The following EPAS1 variants were observed in gnomAD, a reference collection of about 807,000 sequenced individuals.
EPAS1 encodes the protein endothelial PAS domain protein 1.
A neutral mutation model predicts 87.9 loss-of-function variants in EPAS1; 23 were observed. That is an observed-to-expected ratio of 0.26 (90% CI 0.19 to 0.37). EPAS1 has a LOEUF of 0.37. EPAS1 is among the 10% of genes least tolerant of loss of function. EPAS1 has a pLI of 1.00. For synonymous variants in EPAS1, 508 were observed against 444.3 expected, an observed-to-expected ratio of 1.14 and a Z score of -1.80; for missense variants, 1,138 against 1,120.7, an observed-to-expected ratio of 1.02 and a Z score of -0.22.
intron 1 of EPAS1, among the ~76,000 whole-genome samples, chr2:46,308,621 A>C (rs1226721064): frequency 3.3e-5 from 5 of 152,226 alleles, no homozygotes; most frequent in Admixed American, 3.3e-4. Context: ...AAAAGAAAGA[A>C]AAAGGAAAAG....
In EPAS1 at chr2:46,384,543, G is replaced by C. The variant is rs183095352; in HGVS notation, c.2496G>C (p.Glu832Asp). 3 of 1,614,178 alleles carry C rather than the reference G, an allele frequency of 1.9e-6. No individual in the cohort carries two copies. The Admixed American group carries it at 5.0e-5, about 27-fold the overall frequency. ...GCCGGCTGCTCGGGCCCTCATTTGA[G>C]TCCTACCTGCTGCCCGAACTGACCA... ...MASRLLGPSFESYLLPELTRY... is the reference protein window; with the variant it reads ...MASRLLGPSFDSYLLPELTRY... The change falls in exon 16 of 16, where the codon GAG becomes GAC. Residue 832 changes from glutamate (E) to aspartate (D), a missense_variant. Physicochemically the swap from Glu to Asp is conservative, Grantham distance 45. Transcript: ENST00000263734.
intron 2 of EPAS1, among the ~76,000 whole-genome samples, chr2:46,348,863 T>C (rs1395789637): frequency 6.6e-6 from 1 of 152,238 alleles, no homozygotes; most frequent in African/African-American, 2.4e-5. Context: ...GCATTTCAGA[T>C]TTCAGGTTTT....
chr2:46,376,718 C>T lies in EPAS1; in HGVS notation c.1214C>T (p.Pro405Leu). The change falls in exon 9 of 16, where the codon CCC becomes CTC. Residue 405 changes from proline to leucine, a missense_variant. By Grantham distance (98) the Pro-to-Leu change is moderately conservative (BLOSUM62 -3). Transcript: ENST00000263734. ...EEPEELAQLA[P>L]TPGDAIISLD... Reference sequence around the variant, plus strand: ...CCCGAGGAGCTGGCCCAGCTGGCTCCCACCCCAGGAGACGCCATCATCTCT... The same window carrying T: ...CCCGAGGAGCTGGCCCAGCTGGCTCTCACCCCAGGAGACGCCATCATCTCT... The T allele has an allele frequency of 6.2e-7, 1 of 1,612,974 alleles. No individual in the cohort carries two copies. The highest frequency in any genetic ancestry group is 8.5e-7 in the Non-Finnish European group (1 of 1,179,956).
At position 46,382,586 on chromosome 2, in the gene EPAS1, C is replaced by T. The variant is rs761271216; in HGVS notation, c.2449C>T (p.His817Tyr). 3 of 1,613,988 alleles carry T rather than the reference C, an allele frequency of 1.9e-6. No homozygotes were observed. The highest frequency in any genetic ancestry group is 1.3e-5 in the African/African-American group (1 of 74,948). Residue 817 changes from histidine (H) to tyrosine (Y), a missense_variant, in exon 15 of 16, where the codon CAC becomes TAC. By Grantham distance (83) the His-to-Tyr change is moderately conservative (BLOSUM62 2). Transcript: ENST00000263734. ...QYQDYSLSSA[H>Y]KVSGMASRLL... ...CCAGGACTACAGCCTGTCGTCAGCC[C>T]ACAAGGTGTCAGGTGGGTGTGCCCA... is the stretch of plus-strand genomic sequence containing the variant.
At chr2:46,377,864 T>A (rs778225432) in intron 9 of EPAS1, 30 bp from the exon 10 acceptor site, 246 of 1,551,536 alleles carry the variant, frequency 1.6e-4, no homozygotes, top group Non-Finnish European at 2.1e-4. Context: ...TGGTTGTGGG[T>A]GTTCACCTCC....
At chr2:46,338,174 C>T (rs1182361551) in intron 1 of EPAS1, among the ~76,000 whole-genome samples, 1 of 152,164 alleles carries the variant, frequency 6.6e-6, no homozygotes, top group Non-Finnish European at 1.5e-5. Context: ...GTGCTGGCTC[C>T]ATCACTGGGT....
chr2:46,366,589 C>T (rs556417266), intron 6 of EPAS1, among the ~76,000 whole-genome samples: 53 of 152,308 alleles, frequency 3.5e-4, no homozygotes, highest in African/African-American at 1.3e-3. Context: ...TGTTTGAAAT[C>T]TGGTGAATTA....
At chr2:46,338,881 T>G (rs1173622831) in intron 1 of EPAS1, among the ~76,000 whole-genome samples, 1 of 128,918 alleles carries the variant, frequency 7.8e-6, no homozygotes, top group Non-Finnish European at 1.5e-5. Context: ...GCTGTGGTCC[T>G]GAGGATGCCA....
chr2:46,364,305 G>A (rs115456243), intron 6 of EPAS1, among the ~76,000 whole-genome samples: 2,775 of 152,246 alleles, frequency 0.018, 93 homozygotes, highest in African/African-American at 0.063. Context: ...AAAATGTATG[G>A]CAGTTAGAAT....
intron 1 of EPAS1, among the ~76,000 whole-genome samples, chr2:46,331,060 A>G (rs1179989525): frequency 6.6e-6 from 1 of 152,126 alleles, no homozygotes; most frequent in African/African-American, 2.4e-5. Flanking sequence ...CTCTGCATAC[A>G]TGTATATATT....
intron 2 of EPAS1, among the ~76,000 whole-genome samples, chr2:46,351,261 G>A (rs1032675602): frequency 2.6e-5 from 4 of 152,158 alleles, no homozygotes; most frequent in Non-Finnish European, 5.9e-5. Flanking sequence ...AAAAAGTCTC[G>A]TCAGTCAACA....
At chr2:46,309,241 A>C (rs1005852451) in intron 1 of EPAS1, among the ~76,000 whole-genome samples, 1 of 152,208 alleles carries the variant, frequency 6.6e-6, no homozygotes, top group African/African-American at 2.4e-5. Context: ...GGGAATCATC[A>C]CTGTGTGTAG....
chr2:46,320,855 G>C (rs571881317), intron 1 of EPAS1, among the ~76,000 whole-genome samples: 1 of 152,290 alleles, frequency 6.6e-6, no homozygotes, highest in East Asian at 1.9e-4. Flanking sequence ...GGTTAAGGTG[G>C]TTAAATCGTT....
chr2:46,385,646 C>G lies in EPAS1; in HGVS notation c.*986C>G, dbSNP rs548450711. The G allele has an allele frequency of 6.7e-6, 1 of 149,392 alleles. No homozygotes were observed. The highest frequency in any genetic ancestry group is 1.5e-5 in the Non-Finnish European group (1 of 67,708). The allele number at this position is 149,392 out of a possible 1,614,324, so 9.3% of individuals were successfully genotyped here. A position where few individuals can be genotyped will look rare whatever the true frequency, so the allele number is the denominator to read the frequency against. ...CAATCCGAGCAGTGGAGTCATTCAG[C>G]GGGAGCACTGCGCGCTATCCCCTCA... On this transcript the variant is annotated 3_prime_UTR_variant, in exon 16 of 16. Transcript: ENST00000263734.
In EPAS1 at chr2:46,297,825, G is replaced by T. The variant is rs1395325010; in HGVS notation, c.-87G>T. 6.4e-7 allele frequency: 1 copy of T among 1,551,334 alleles called. No individual in the cohort carries two copies. The highest frequency in any genetic ancestry group is 2.4e-5 in the East Asian group (1 of 41,326). The stretch of plus-strand genomic sequence containing the variant: ...CGGACCTTCACCACCCGCCCGGGCC[G>T]CGGGGAGCGGACGAGGGCCACAGCC... On this transcript the variant is annotated 5_prime_UTR_variant, in exon 1 of 16. Transcript: ENST00000263734.
In EPAS1 at chr2:46,338,493, C is replaced by G. The variant is rs572167390; in HGVS notation, c.27-8380C>G. ...CCTCCTGCACCCGCTGGCTTTCTCC[C>G]TGCTTTTTCATGAGTGAAGACAGCA... On this transcript the variant is annotated intron_variant, in intron 1 of 15. Coordinates refer to ENST00000263734, the MANE Select transcript of EPAS1 (RefSeq NM_001430.5). 2.0e-5 allele frequency among the ~76,000 whole-genome samples: 3 copies of G among 152,302 alleles called. No homozygotes were observed. The South Asian group carries it at 6.2e-4, about 32-fold the overall frequency.
chr2:46,380,526 A>G lies in EPAS1; in HGVS notation c.1854A>G (p.Pro618=). Residue 618 remains proline (P), a synonymous_variant, in exon 12 of 16, where the codon CCA becomes CCG. Transcript: ENST00000263734. This position sits in a 1 kb window ranked among gnomAD's most constrained non-coding sequence, Gnocchi z 4.4. The part of the protein sequence containing the change: ...FFDAGSKASL[P]PCCGQASTPL... ...ATGCCGGAAGCAAAGCATCCCTGCC[A>G]CCGTGCTGTGGCCAGGCCAGCACCC... 6.2e-7 allele frequency: 1 copy of G among 1,614,150 alleles called. No individual in the cohort carries two copies. The highest frequency in any genetic ancestry group is 1.1e-5 in the South Asian group (1 of 91,086).
chr2:46,319,665 C>T (rs1683414697), intron 1 of EPAS1, among the ~76,000 whole-genome samples: 4 of 152,284 alleles, frequency 2.6e-5, no homozygotes, highest in African/African-American at 9.6e-5. Context: ...TTACAGTAAA[C>T]TTTGATATAA....
chr2:46,321,734 G>A (rs964446942), intron 1 of EPAS1, among the ~76,000 whole-genome samples: 5 of 144,122 alleles, frequency 3.5e-5, no homozygotes, highest in African/African-American at 1.3e-4. Context: ...GGAAATCACT[G>A]CCCCATTGTT....
Sources: allele counts gnomAD v4.1 joint callset (sites outside exome capture counted in the v4.1 genomes callset), GRCh38; gene constraint gnomAD v4.1.1; non-coding constraint Gnocchi (gnomAD v3.1); transcripts MANE v1.5; gene names NCBI Gene and HGNC (gene_info 2026-07-23, HGNC 2026-07-21).